Variants in FSD1L observed in about 807,000 individuals in gnomAD.
FSD1L encodes the protein fibronectin type III and SPRY domain containing 1 like.
A neutral mutation model predicts 71.6 loss-of-function variants in FSD1L; 45 were observed. That is an observed-to-expected ratio of 0.63 (90% CI 0.49 to 0.81). The LOEUF is 0.81. Ranked by LOEUF, FSD1L falls within the 30% of genes least tolerant of loss-of-function variation. The pLI, the probability that FSD1L is intolerant of heterozygous loss-of-function variation, is 0.00. For missense variants in FSD1L, 561 were observed against 618.1 expected, an observed-to-expected ratio of 0.91 and a Z score of 0.98; for synonymous variants, 197 against 207.2, an observed-to-expected ratio of 0.95 and a Z score of 0.42.
rs1336692797 is a variant in FSD1L at position 105,490,533 on chromosome 9, G to T, written c.586+6031G>T. On this transcript the variant is annotated intron_variant, in intron 7 of 13. Coordinates refer to ENST00000481272, the MANE Select transcript of FSD1L (RefSeq NM_001145313.3). The stretch of plus-strand genomic sequence containing the variant: ...AATTAGATCCCAGTTGTCAATTTTG[G>T]CTTTTGTTGCCATTGCTTTTGGTGT... Among the ~76,000 whole-genome samples, 347 of 150,136 alleles carry T rather than the reference G, an allele frequency of 2.3e-3. 3 individuals carry two copies. The highest frequency in any genetic ancestry group is 0.015 in the Admixed American group (225 of 15,062).
intron 1 of FSD1L, among the ~76,000 whole-genome samples, chr9:105,460,657 G>A (rs569219521): frequency 3.3e-5 from 5 of 151,098 alleles, no homozygotes; most frequent in Admixed American, 3.3e-4. Flanking sequence ...GTATGCGATA[G>A]TATCATAGAA....
At chr9:105,471,413 T>C (rs1164598006) in intron 4 of FSD1L, among the ~76,000 whole-genome samples, 5 of 152,072 alleles carry the variant, frequency 3.3e-5, no homozygotes, top group Non-Finnish European at 5.9e-5. Flanking sequence ...GAGCAGCCAA[T>C]AGAAACATTT....
intron 13 of FSD1L, among the ~76,000 whole-genome samples, chr9:105,545,513 T>G (rs7047322): frequency 0.084 from 11,599 of 138,516 alleles, 679 homozygotes; most frequent in African/African-American, 0.15. Context: ...GTTTTCAAAG[T>G]GAATGCTTCC....
chr9:105,488,987 G>A (rs1240664904), intron 7 of FSD1L, among the ~76,000 whole-genome samples: 1 of 152,028 alleles, frequency 6.6e-6, no homozygotes, highest in Non-Finnish European at 1.5e-5. Context: ...TACAGCCAGA[G>A]AAATTTACAA....
rs1195186910 is a variant in FSD1L at position 105,471,887 on chromosome 9, T to G, written c.340-17T>G. On this transcript the variant is annotated splice_polypyrimidine_tract_variant and intron_variant, in intron 4 of 13. Transcript: ENST00000481272. ...AACTTCATTTTAATGACTTAGTTTT[T>G]TTTTTTTTTTCCCTAGAGTCAGATT... 3 of 1,047,592 alleles carry G rather than the reference T, an allele frequency of 2.9e-6. No homozygotes were observed. The highest frequency in any genetic ancestry group is 1.7e-5 in the African/African-American group (1 of 58,916). 64.9% of individuals were successfully genotyped at this position (1,047,592 alleles called of 1,614,324 possible). A position where few individuals can be genotyped will look rare whatever the true frequency, so the allele number is the denominator to read the frequency against.
chr9:105,484,485 C>T lies in FSD1L; in HGVS notation c.569C>T (p.Thr190Ile), dbSNP rs1303389659. ...DFSQERQMLQ[T>I]LKFLPVPKAP... ...TCACAGGAAAGACAGATGCTGCAAA[C>T]TTTGAAGTTTTTGCCAGGTAAATAC... The change falls in exon 7 of 14, where the codon ACT becomes ATT. Residue 190 changes from threonine to isoleucine, a missense_variant. By Grantham distance (89) the Thr-to-Ile change is moderately conservative (BLOSUM62 -1). This residue lies in a region of FSD1L where 410 missense variants were observed against 413.5 expected (regional missense o/e 0.99). Transcript: ENST00000481272. The T allele has an allele frequency of 2.4e-5, 37 of 1,518,942 alleles. No individual in the cohort carries two copies. The highest frequency in any genetic ancestry group is 5.1e-5 in the East Asian group (2 of 39,138). The allele number at this position is 1,518,942 out of a possible 1,614,324, so 94.1% of individuals were successfully genotyped here. A position where few individuals can be genotyped will look rare whatever the true frequency, so the allele number is the denominator to read the frequency against.
At position 105,485,545 on chromosome 9, in the gene FSD1L, T is replaced by G. The variant is rs182780021; in HGVS notation, c.586+1043T>G. On this transcript the variant is annotated intron_variant, in intron 7 of 13. Coordinates refer to ENST00000481272, the MANE Select transcript of FSD1L (RefSeq NM_001145313.3). The stretch of plus-strand genomic sequence containing the variant: ...CTTTTGGTTAGGTGTTTTTTTTTTT[T>G]TTTTTTTTTTTGCATCATGTTGCTG... 8.0e-4 allele frequency among the ~76,000 whole-genome samples: 120 copies of G among 150,484 alleles called. 1 individual carries two copies. The East Asian group carries it at 0.016, about 20-fold the overall frequency.
chr9:105,461,698 C>G, intron 2 of FSD1L, 83 bp downstream of exon 2: 6 of 761,740 alleles, frequency 7.9e-6, no homozygotes, highest in Non-Finnish European at 1.1e-5. Flanking sequence ...TGACTATACT[C>G]ATTAAAAAAC....
intron 1 of FSD1L, among the ~76,000 whole-genome samples, chr9:105,459,017 C>G (rs893606206): frequency 1.3e-5 from 2 of 152,126 alleles, no homozygotes; most frequent in Non-Finnish European, 2.9e-5. Flanking sequence ...CTTTCTCTGC[C>G]CTGGCATATT....
intron 10 of FSD1L, chr9:105,520,771 T>C: frequency 6.2e-7 from 1 of 1,612,674 alleles, no homozygotes; most frequent in Non-Finnish European, 8.5e-7. Context: ...TTAGATAATC[T>C]CATTAATCCT....
chr9:105,546,329 A>G (rs749887357), intron 13 of FSD1L, 29 bp from the exon 14 acceptor site: 7 of 1,499,494 alleles, frequency 4.7e-6, no homozygotes, highest in East Asian at 2.5e-5. Context: ...TTGATTTGCA[A>G]TCTGACAGGT....
At chr9:105,530,913 T>C (rs529555074) in intron 10 of FSD1L, 2 of 217,228 alleles carry the variant, frequency 9.2e-6, no homozygotes, top group Admixed American at 5.8e-5. Context: ...ACACCTACTC[T>C]GTACTGAGGA....
intron 7 of FSD1L, among the ~76,000 whole-genome samples, chr9:105,494,907 C>T (rs992641674): frequency 3.9e-5 from 6 of 152,212 alleles, no homozygotes; most frequent in East Asian, 3.9e-4. Flanking sequence ...TCAGTCTGCC[C>T]CTATGGAGGG....
At chr9:105,464,139 T>G in intron 2 of FSD1L, 97 bp from the exon 3 acceptor site, 1 of 674,936 alleles carries the variant, frequency 1.5e-6, no homozygotes. Context: ...TGTTATACAA[T>G]ATACTCTTAC....
intron 4 of FSD1L, among the ~76,000 whole-genome samples, chr9:105,469,136 A>G (rs76676337): frequency 0.02 from 3,068 of 152,306 alleles, 100 homozygotes; most frequent in African/African-American, 0.07. Context: ...CCACTTATGT[A>G]TATACCACAT....
chr9:105,482,045 G>A (rs556823828), intron 6 of FSD1L, among the ~76,000 whole-genome samples: 7 of 152,194 alleles, frequency 4.6e-5, no homozygotes, highest in African/African-American at 1.7e-4. Context: ...GAAGTGCTGG[G>A]GTTACAGATA....
intron 10 of FSD1L, chr9:105,525,217 T>C: frequency 6.2e-7 from 1 of 1,604,862 alleles, no homozygotes. Flanking sequence ...CCGTAAAAGA[T>C]GGACTTTCCA....
chr9:105,471,781 GT>G, intron 4 of FSD1L, 122 bp from the exon 5 acceptor site: 1 of 343,440 alleles, frequency 2.9e-6, no homozygotes, highest in Non-Finnish European at 5.2e-6. Context: ...TCACTGAAAT[GT>G]TTTTCCTCTA....
chr9:105,527,882 A>G (rs1231396782), intron 10 of FSD1L, among the ~76,000 whole-genome samples: 1 of 152,288 alleles, frequency 6.6e-6, no homozygotes, highest in East Asian at 1.9e-4. Context: ...ACATGATTGT[A>G]TATTTAGAAA....
Sources: allele counts gnomAD v4.1 joint callset (sites outside exome capture counted in the v4.1 genomes callset), GRCh38; gene constraint gnomAD v4.1.1; regional missense constraint gnomAD v4.1.1; transcripts MANE v1.5; gene names NCBI Gene and HGNC (gene_info 2026-07-23, HGNC 2026-07-21).